TMIGD3: variants seen among roughly 807,000 people sequenced by gnomAD.
TMIGD3 encodes the protein AD026 protein (AD026).
A neutral mutation model predicts 28.1 loss-of-function variants in TMIGD3; 21 were observed. That is an observed-to-expected ratio of 0.75 (90% CI 0.53 to 1.08). The LOEUF (loss-of-function observed/expected upper bound fraction) is 1.08, where lower values mean the gene tolerates loss of function less well. Ranked by LOEUF, TMIGD3 falls within the 50% of genes least tolerant of loss-of-function variation. The probability of loss-of-function intolerance (pLI) is 0.00; values close to 1 mark genes in which losing one functional copy is unlikely to be tolerated. For synonymous variants in TMIGD3, 151 were observed against 162.1 expected, an observed-to-expected ratio of 0.93 and a Z score of 0.52; for missense variants, 416 against 435.6, an observed-to-expected ratio of 0.96 and a Z score of 0.40.
In TMIGD3 at chr1:111,537,643, TC is replaced by T. The variant is rs1412428855; in HGVS notation, c.107+26202del. Among the ~76,000 whole-genome samples the T allele has an allele frequency of 5.9e-5, 9 of 152,328 alleles. No homozygotes were observed. In the South Asian group the frequency reaches 1.0e-3, roughly 18 times the overall value. On this transcript the variant is annotated intron_variant, in intron 1 of 5. Coordinates refer to the TMIGD3 transcript ENST00000369717. ...AGATTTCGTTTTTAAAGAGGAGCTTTCCCTTTTATTATTTTAAAGGAGTGCC... is the reference window on the plus strand; with the variant it reads ...AGATTTCGTTTTTAAAGAGGAGCTTTCCTTTTATTATTTTAAAGGAGTGCC...
At chr1:111,535,611 C>T (rs1007389683) in intron 1 of TMIGD3, among the ~76,000 whole-genome samples, 2 of 152,200 alleles carry the variant, frequency 1.3e-5, no homozygotes, top group African/African-American at 4.8e-5. Context: ...TTAATTGCCC[C>T]TTGTCTTACT....
At chr1:111,523,140 C>G (rs1656136350) in intron 1 of TMIGD3, among the ~76,000 whole-genome samples, 1 of 152,094 alleles carries the variant, frequency 6.6e-6, no homozygotes, top group South Asian at 2.1e-4. Context: ...GCCTTATATC[C>G]CATTGAGAAT....
chr1:111,563,626 T>TGTCAA (rs1306339082), intron 1 of TMIGD3, among the ~76,000 whole-genome samples: 1 of 152,200 alleles, frequency 6.6e-6, no homozygotes, highest in Non-Finnish European at 1.5e-5. Flanking sequence ...AACTTGTATG[T>TGTCAA]GTCAAACACT....
At position 111,551,835 on chromosome 1, in the gene TMIGD3, C is replaced by T. The variant is rs145654815; in HGVS notation, c.107+12011G>A. On this transcript the variant is annotated intron_variant, in intron 1 of 5. Coordinates refer to the TMIGD3 transcript ENST00000369717. ...TTGGGGCATGCCTTCAGCACTCAGCCGAGCGGTTTACAGTTCGGCCTTGGC... is the reference window on the plus strand; with the variant it reads ...TTGGGGCATGCCTTCAGCACTCAGCTGAGCGGTTTACAGTTCGGCCTTGGC... 2.6e-4 allele frequency among the ~76,000 whole-genome samples: 40 copies of T among 151,924 alleles called. No individual in the cohort carries two copies. In the East Asian group the frequency reaches 6.2e-3, roughly 23 times the overall value.
Position 111,488,820 on chromosome 1 carries a change from G to A in TMIGD3, c.662C>T (p.Thr221Ile). The change falls in exon 3 of 6, where the codon ACT (threonine) becomes ATT (isoleucine). Residue 221 changes from threonine (T) to isoleucine (I), a missense_variant. Physicochemically the swap from Thr to Ile is moderately conservative, Grantham distance 89 (BLOSUM62 -1). Coordinates refer to ENST00000369716, the MANE Select transcript of TMIGD3 (RefSeq NM_020683.7). ...GTCCTCTTTGGTCAGGCAGGACATA[G>A]TGACAATGAGCTGGTTCCCTGTGTC... ...LRDTGNQLIV[T>I]MSCLTKEDTG... 1 of 1,614,248 alleles carries A rather than the reference G, an allele frequency of 6.2e-7. No individual in the cohort carries two copies. The highest frequency in any genetic ancestry group is 1.6e-4 in the Middle Eastern group (1 of 6,062).
intron 1 of TMIGD3, among the ~76,000 whole-genome samples, chr1:111,532,324 GATGGAACCTCTTT>G (rs1656485754): frequency 6.6e-6 from 1 of 152,212 alleles, no homozygotes; most frequent in South Asian, 2.1e-4. Flanking sequence ...GAGATATGAA[GATGGAACCTCTTT>G]ATATTTATCA....
At chr1:111,547,126 C>T (rs551250870) in intron 1 of TMIGD3, among the ~76,000 whole-genome samples, 1 of 152,204 alleles carries the variant, frequency 6.6e-6, no homozygotes, top group East Asian at 1.9e-4. Context: ...TTGTATCCTT[C>T]AACTTTGAAT....
intron 1 of TMIGD3, among the ~76,000 whole-genome samples, chr1:111,530,186 G>A (rs1571440137): frequency 6.6e-6 from 1 of 152,148 alleles, no homozygotes; most frequent in African/African-American, 2.4e-5. Context: ...AAGGTTTATA[G>A]TATACAGACT....
chr1:111,494,750 T>C (rs1654815778), intron 1 of TMIGD3, among the ~76,000 whole-genome samples: 1 of 152,120 alleles, frequency 6.6e-6, no homozygotes. Flanking sequence ...CAAACTATGC[T>C]ACAGGACTAT....
intron 1 of TMIGD3, among the ~76,000 whole-genome samples, chr1:111,536,231 G>GT (rs34091536): frequency 3.0e-3 from 445 of 145,930 alleles, no homozygotes; most frequent in Middle Eastern, 0.011. Context: ...TATTTTTTAA[G>GT]TTTTTTTTTT....
intron 5 of TMIGD3, 147 bp from the exon 6 acceptor site, chr1:111,483,904 C>T (rs1424399652): frequency 6.1e-6 from 4 of 658,836 alleles, no homozygotes. Flanking sequence ...GATCAGATAT[C>T]ATTACTGCAA....
chr1:111,521,923 A>C (rs552301293), intron 1 of TMIGD3, among the ~76,000 whole-genome samples: 1 of 152,272 alleles, frequency 6.6e-6, no homozygotes, highest in South Asian at 2.1e-4. Flanking sequence ...ATTTCAAGTT[A>C]ATTTTTGTAT....
chr1:111,504,874 C>A (rs937480489), upstream of TMIGD3: 4 of 985,136 alleles, frequency 4.1e-6, no homozygotes, highest in Admixed American at 2.5e-4. Flanking sequence ...TACTTGTCCC[C>A]GCCAGACTTG....
chr1:111,500,638 G>C (rs1655127559), intron 1 of TMIGD3: 7 of 1,352,994 alleles, frequency 5.2e-6, no homozygotes, highest in Non-Finnish European at 7.2e-6. Context: ...AGGAGAGAGA[G>C]AGAGGTGAGA....
upstream of TMIGD3, chr1:111,504,853 ACCAAATC>A (rs766840707): frequency 2.3e-5 from 23 of 985,062 alleles, no homozygotes; most frequent in Non-Finnish European, 2.7e-5. Flanking sequence ...TCCAAGTCTT[ACCAAATC>A]CCATACTTGT....
At position 111,483,673 on chromosome 1, in the gene TMIGD3, A is replaced by G. The variant is rs752927277; in HGVS notation, c.*14T>C. 1 of 1,601,774 alleles carries G rather than the reference A, an allele frequency of 6.2e-7. No homozygotes were observed. The highest frequency in any genetic ancestry group is 8.6e-7 in the Non-Finnish European group (1 of 1,169,056). ...GTAGCATCACTTTATGAACTAAATTAAAAAAATCTTCAGTCACATCTGTTC... is the reference window on the plus strand; with the variant it reads ...GTAGCATCACTTTATGAACTAAATTGAAAAAATCTTCAGTCACATCTGTTC... On this transcript the variant is annotated 3_prime_UTR_variant, in exon 6 of 6. Coordinates refer to ENST00000369716, the MANE Select transcript of TMIGD3 (RefSeq NM_020683.7).
intron 1 of TMIGD3, among the ~76,000 whole-genome samples, chr1:111,521,192 G>A (rs894514679): frequency 6.6e-6 from 1 of 152,172 alleles, no homozygotes; most frequent in Admixed American, 6.5e-5. Context: ...TTCACCTATT[G>A]ATGGACATCT....
chr1:111,500,893 A>C, intron 1 of TMIGD3: 1 of 419,740 alleles, frequency 2.4e-6, no homozygotes, highest in South Asian at 8.8e-5. Context: ...ACTGAGAGCT[A>C]TACAACTGTT....
chr1:111,551,475 G>A (rs991795785), intron 1 of TMIGD3, among the ~76,000 whole-genome samples: 6 of 151,966 alleles, frequency 3.9e-5, no homozygotes, highest in African/African-American at 7.2e-5. Context: ...AATGTAATTA[G>A]GATTAATACC....
Sources: gnomAD v4.1 joint callset for allele counts (sites outside exome capture counted in the v4.1 genomes callset) on GRCh38, gnomAD v4.1.1 for gene constraint, MANE v1.5 for transcripts, NCBI Gene and HGNC (gene_info 2026-07-23, HGNC 2026-07-21) for gene names.